PABPC4L: variants seen among roughly 807,000 people sequenced by gnomAD.
The protein encoded by PABPC4L is poly(A) binding protein cytoplasmic 4 like, also known as polyadenylate-binding protein 4-like.
For missense variants in PABPC4L, 452 were observed against 451.4 expected (o/e 1.00, Z -0.01); for synonymous variants, 169 against 164.1 (o/e 1.03, Z -0.23).
the PABPC4L span, among the ~76,000 whole-genome samples, chr4:134,091,944 G>A: frequency 6.6e-6 from 1 of 152,018 alleles, no homozygotes; most frequent in Non-Finnish European, 1.5e-5. Context: ...AAGTAATAAT[G>A]ATCTGGCTTT....
chr4:133,994,840 C>T, the PABPC4L span, among the ~76,000 whole-genome samples: 1 of 152,152 alleles, frequency 6.6e-6, no homozygotes, highest in Non-Finnish European at 1.5e-5. Context: ...TAATATCTCA[C>T]TATTAATTAC....
chr4:133,953,781 A>G, the PABPC4L span, among the ~76,000 whole-genome samples: 1 of 152,174 alleles, frequency 6.6e-6, no homozygotes, highest in Non-Finnish European at 1.5e-5. Context: ...CTCTCTCCCA[A>G]ATGATCATGG....
chr4:133,968,228 C>T, the PABPC4L span, among the ~76,000 whole-genome samples: 2 of 152,164 alleles, frequency 1.3e-5, no homozygotes, highest in African/African-American at 4.8e-5. Context: ...TCAGAAATTA[C>T]TCCAAGTTCC....
chr4:134,124,063 G>C, the PABPC4L span, among the ~76,000 whole-genome samples: 1 of 152,100 alleles, frequency 6.6e-6, no homozygotes, highest in African/African-American at 2.4e-5. Flanking sequence ...AACGCAATCA[G>C]AAATCAGGGG....
At chr4:134,111,888 A>C in the PABPC4L span, among the ~76,000 whole-genome samples, 2 of 152,034 alleles carry the variant, frequency 1.3e-5, no homozygotes. Context: ...GCGTGAAAAC[A>C]GACTAAGGCA....
the PABPC4L span, among the ~76,000 whole-genome samples, chr4:134,125,147 G>A: frequency 3.3e-5 from 5 of 151,954 alleles, no homozygotes; most frequent in Admixed American, 6.6e-5. Flanking sequence ...TACAGAGTCC[G>A]TTGTCTACAT....
the PABPC4L span, among the ~76,000 whole-genome samples, chr4:134,180,041 A>G: frequency 6.6e-6 from 1 of 152,092 alleles, no homozygotes; most frequent in Admixed American, 6.6e-5. Context: ...ACCAGACAAA[A>G]TGGTTCTAAT....
At chr4:134,137,542 A>G in the PABPC4L span, among the ~76,000 whole-genome samples, 1 of 151,914 alleles carries the variant, frequency 6.6e-6, no homozygotes, top group African/African-American at 2.4e-5. Flanking sequence ...TGAATTTCCA[A>G]TCAGCTTTCT....
the PABPC4L span, among the ~76,000 whole-genome samples, chr4:133,997,685 T>A: frequency 6.6e-5 from 10 of 152,184 alleles, no homozygotes; most frequent in East Asian, 1.7e-3. Context: ...TGATTTCAAC[T>A]CTCATGGAAT....
the PABPC4L span, among the ~76,000 whole-genome samples, chr4:134,002,873 A>G: frequency 6.6e-6 from 1 of 151,966 alleles, no homozygotes; most frequent in East Asian, 1.9e-4. Flanking sequence ...CTCACATTGT[A>G]TCTTCTTCTG....
chr4:134,079,599 A>AC, the PABPC4L span, among the ~76,000 whole-genome samples: 1 of 95,020 alleles, frequency 1.1e-5, no homozygotes, highest in Non-Finnish European at 2.1e-5. Context: ...AAAAAAAAAA[A>AC]AAAAAAAAAA....
chr4:134,132,987 AAT>A, the PABPC4L span, among the ~76,000 whole-genome samples: 1 of 137,586 alleles, frequency 7.3e-6, no homozygotes, highest in South Asian at 2.2e-4. Context: ...GTATATAATT[AAT>A]ATATATGATA....
chr4:134,191,718 G>T (rs1729516268), downstream of PABPC4L, among the ~76,000 whole-genome samples: 1 of 152,002 alleles, frequency 6.6e-6, no homozygotes, highest in Admixed American at 6.6e-5. Context: ...CATATTGGTT[G>T]ACCCTAAAGC....
the PABPC4L span, among the ~76,000 whole-genome samples, chr4:134,186,978 C>G: frequency 3.3e-5 from 5 of 152,048 alleles, no homozygotes; most frequent in Non-Finnish European, 7.4e-5. Context: ...AAATGCAAAT[C>G]AAAACCACAA....
chr4:134,067,385 C>T, the PABPC4L span, among the ~76,000 whole-genome samples: 4 of 151,930 alleles, frequency 2.6e-5, no homozygotes, highest in African/African-American at 9.7e-5. Flanking sequence ...TCCTTTTATT[C>T]ATTTTTGATT....
the PABPC4L span, among the ~76,000 whole-genome samples, chr4:133,952,498 T>C: frequency 1.3e-5 from 2 of 152,120 alleles, no homozygotes; most frequent in African/African-American, 2.4e-5. Context: ...ACCGGGAGAA[T>C]TGGAGTGTTG....
At chr4:133,988,362 T>C in the PABPC4L span, among the ~76,000 whole-genome samples, 1 of 152,186 alleles carries the variant, frequency 6.6e-6, no homozygotes, top group Non-Finnish European at 1.5e-5. Flanking sequence ...GCAAATTAGT[T>C]AATTCCTGGA....
the PABPC4L span, among the ~76,000 whole-genome samples, chr4:134,039,373 A>G: frequency 1.2e-4 from 18 of 152,222 alleles, no homozygotes; most frequent in South Asian, 3.5e-3. Flanking sequence ...AGTTCTGAAT[A>G]ACATTGTTAA....
the PABPC4L span, among the ~76,000 whole-genome samples, chr4:134,005,915 T>C: frequency 3.3e-5 from 5 of 151,696 alleles, no homozygotes; most frequent in Admixed American, 6.6e-5. Flanking sequence ...GCAGAGAATA[T>C]ATTTGGATAA....
Sources: allele counts gnomAD v4.1 joint callset (sites outside exome capture counted in the v4.1 genomes callset), GRCh38; gene constraint gnomAD v4.1.1; transcripts MANE v1.5; gene names NCBI Gene and HGNC (gene_info 2026-07-23, HGNC 2026-07-21).